SLC24A3: variants seen among roughly 807,000 people sequenced by gnomAD.
The protein encoded by SLC24A3 is solute carrier family 24 member 3, also known as sodium/potassium/calcium exchanger 3.
In SLC24A3, 28 loss-of-function variants were observed where a neutral mutation model predicts 75.8. The ratio of observed to expected loss-of-function variants is 0.37; its 90% CI spans 0.27 to 0.51. The LOEUF (loss-of-function observed/expected upper bound fraction) is 0.51. SLC24A3 is among the 20% of genes least tolerant of loss of function. The pLI, the probability that SLC24A3 is intolerant of heterozygous loss-of-function variation, is 0.94. For missense variants in SLC24A3, 663 were observed against 847.8 expected (o/e 0.78, Z 2.71); for synonymous variants, 372 against 334.1 (o/e 1.11, Z -1.24).
intron 6 of SLC24A3, among the ~76,000 whole-genome samples, chr20:19,603,653 A>G (rs2031558565): frequency 6.6e-6 from 1 of 152,224 alleles, no homozygotes; most frequent in African/African-American, 2.4e-5. Flanking sequence ...TCCCATAACT[A>G]TCAGACTTCG....
intron 2 of SLC24A3, among the ~76,000 whole-genome samples, chr20:19,500,054 C>T (rs1388284792): frequency 1.3e-5 from 2 of 152,100 alleles, no homozygotes; most frequent in Non-Finnish European, 2.9e-5. Flanking sequence ...GCCCTGAACC[C>T]TTGAGTTATA....
intron 2 of SLC24A3, among the ~76,000 whole-genome samples, chr20:19,500,494 A>G (rs1988368293): frequency 6.6e-6 from 1 of 152,236 alleles, no homozygotes; most frequent in Non-Finnish European, 1.5e-5. Flanking sequence ...AAAGTTAAAT[A>G]TTGGAGTCTC....
chr20:19,712,433 A>G (rs1337627126), intron 15 of SLC24A3, among the ~76,000 whole-genome samples: 2 of 152,096 alleles, frequency 1.3e-5, no homozygotes, highest in African/African-American at 4.8e-5. Context: ...CCATAGGGAC[A>G]ATAGTGAACT....
chr20:19,358,640 T>C (rs1382620951), intron 2 of SLC24A3, among the ~76,000 whole-genome samples: 1 of 152,212 alleles, frequency 6.6e-6, no homozygotes, highest in Non-Finnish European at 1.5e-5. Flanking sequence ...GTATGCATAA[T>C]GTAAAATGTA....
chr20:19,305,815 G>A (rs532980244), intron 2 of SLC24A3, among the ~76,000 whole-genome samples: 90 of 152,176 alleles, frequency 5.9e-4, no homozygotes, highest in Non-Finnish European at 1.1e-3. Flanking sequence ...GAACATTGAC[G>A]TTGGCAAAGA....
chr20:19,563,578 G>A (rs957982481), intron 3 of SLC24A3, among the ~76,000 whole-genome samples: 2 of 152,120 alleles, frequency 1.3e-5, no homozygotes, highest in East Asian at 3.9e-4. Flanking sequence ...AAGAATATAG[G>A]CTTGAAGAGG....
intron 1 of SLC24A3, among the ~76,000 whole-genome samples, chr20:19,260,966 C>T (rs1470020892): frequency 1.3e-5 from 2 of 152,176 alleles, no homozygotes; most frequent in Non-Finnish European, 2.9e-5. Flanking sequence ...TAATGGGAAA[C>T]CGAATCAGGG....
chr20:19,365,445 T>C (rs181563952), intron 2 of SLC24A3, among the ~76,000 whole-genome samples: 2 of 152,254 alleles, frequency 1.3e-5, no homozygotes, highest in East Asian at 1.9e-4. Context: ...GGGATTCCAC[T>C]GTGGGGCGTT....
At position 19,271,706 on chromosome 20, in the gene SLC24A3, G is replaced by A. The variant is rs1013930431; in HGVS notation, c.143-9253G>A. On this transcript the variant is annotated intron_variant, in intron 1 of 16. Transcript: ENST00000328041. The stretch of plus-strand genomic sequence containing the variant: ...TTGCAGCAACCTGGGTGGAGTTGGA[G>A]ACTATTATTCTCAGTGAAGTAACTC... 5.3e-5 allele frequency among the ~76,000 whole-genome samples: 8 copies of A among 152,302 alleles called. 1 individual carries two copies. Among genetic ancestry groups the A allele is most frequent in the Non-Finnish European group, 7.3e-5 (5 of 68,030 alleles).
chr20:19,298,623 G>T (rs6112298), intron 2 of SLC24A3, among the ~76,000 whole-genome samples: 201 of 150,340 alleles, frequency 1.3e-3, no homozygotes, highest in African/African-American at 4.7e-3. Context: ...AAAAAAGAAA[G>T]AAAAAGAAAA....
intron 1 of SLC24A3, among the ~76,000 whole-genome samples, chr20:19,237,978 T>C (rs1982216302): frequency 1.3e-5 from 2 of 152,198 alleles, no homozygotes; most frequent in African/African-American, 4.8e-5. Context: ...ACAAAGATGG[T>C]TTTGGTGCAG....
chr20:19,348,762 G>T (rs2122321556), intron 2 of SLC24A3, among the ~76,000 whole-genome samples: 1 of 152,274 alleles, frequency 6.6e-6, no homozygotes, highest in African/African-American at 2.4e-5. Flanking sequence ...GGAGTGCATG[G>T]AGTGCACACA....
chr20:19,683,707 T>A (rs2032640109), intron 10 of SLC24A3, among the ~76,000 whole-genome samples: 1 of 152,218 alleles, frequency 6.6e-6, no homozygotes, highest in Non-Finnish European at 1.5e-5. Context: ...GCCCCAGATC[T>A]GAATGGTGGG....
At chr20:19,609,367 T>C (rs1370292445) in intron 6 of SLC24A3, among the ~76,000 whole-genome samples, 1 of 151,346 alleles carries the variant, frequency 6.6e-6, no homozygotes, top group Non-Finnish European at 1.5e-5. Context: ...TAGAGAAATC[T>C]TAATTTTTTA....
chr20:19,599,048 C>T (rs765493922), intron 6 of SLC24A3, among the ~76,000 whole-genome samples: 3 of 152,134 alleles, frequency 2.0e-5, no homozygotes, highest in Non-Finnish European at 4.4e-5. Context: ...TGCATGAACT[C>T]GTTTAATCTT....
chr20:19,460,347 A>G (rs1324053015), intron 2 of SLC24A3, among the ~76,000 whole-genome samples: 2 of 152,072 alleles, frequency 1.3e-5, no homozygotes, highest in African/African-American at 4.8e-5. Context: ...TGTTTGACCA[A>G]CTATGCCCCG....
intron 8 of SLC24A3, among the ~76,000 whole-genome samples, chr20:19,671,639 TTTTTTTTGTTTTTTTG>T (rs149257547): frequency 1.3e-4 from 20 of 150,654 alleles, no homozygotes; most frequent in Admixed American, 4.0e-4. Context: ...AGGGTTGGTT[TTTTTTTTGTTTTTTTG>T]TTTTTTTGTT....
At chr20:19,254,247 A>G (rs1366311678) in intron 1 of SLC24A3, among the ~76,000 whole-genome samples, 1 of 152,116 alleles carries the variant, frequency 6.6e-6, no homozygotes, top group Non-Finnish European at 1.5e-5. Flanking sequence ...GTCTGGCTTC[A>G]TTTGTGAGGT....
At chr20:19,353,346 G>A (rs987409251) in intron 2 of SLC24A3, among the ~76,000 whole-genome samples, 1 of 152,164 alleles carries the variant, frequency 6.6e-6, no homozygotes, top group Non-Finnish European at 1.5e-5. Flanking sequence ...GGAAGCTGAA[G>A]ATTTGATATG....
Sources: allele counts gnomAD v4.1 joint callset (sites outside exome capture counted in the v4.1 genomes callset), GRCh38; gene constraint gnomAD v4.1.1; transcripts MANE v1.5; gene names NCBI Gene and HGNC (gene_info 2026-07-23, HGNC 2026-07-21).